Variants in ZNF385D observed in about 807,000 individuals in gnomAD.
ZNF385D encodes zinc finger protein 659.
Under a neutral mutation model 35.8 loss-of-function variants are expected in ZNF385D, and 15 were observed. The observed-to-expected ratio is 0.42, with a 90% CI of 0.28 to 0.64. The LOEUF (loss-of-function observed/expected upper bound fraction) is 0.64. Ranked by LOEUF, ZNF385D falls within the 30% of genes least tolerant of loss-of-function variation. The pLI is 0.23. For synonymous variants in ZNF385D, 212 were observed against 186.8 expected, an observed-to-expected ratio of 1.13 and a Z score of -1.10; for missense variants, 474 against 494.6, an observed-to-expected ratio of 0.96 and a Z score of 0.39.
intron 3 of ZNF385D, among the ~76,000 whole-genome samples, chr3:21,931,026 G>T (rs910638637): frequency 6.6e-6 from 1 of 151,892 alleles, no homozygotes; most frequent in Non-Finnish European, 1.5e-5. Context: ...GAAATGCCAA[G>T]TCATATAAGG....
At chr3:21,761,153 G>C (rs559071338) in intron 3 of ZNF385D, among the ~76,000 whole-genome samples, 2 of 152,278 alleles carry the variant, frequency 1.3e-5, no homozygotes, top group South Asian at 4.1e-4. Flanking sequence ...GTATGTGAAT[G>C]AGCTACCTTG....
intron 2 of ZNF385D, among the ~76,000 whole-genome samples, chr3:22,308,011 A>G (rs1435287149): frequency 1.3e-5 from 2 of 152,080 alleles, no homozygotes; most frequent in Non-Finnish European, 2.9e-5. Flanking sequence ...ATTCCATACT[A>G]TAATTTAGGT....
At chr3:22,024,754 C>T (rs1357052867) in intron 3 of ZNF385D, among the ~76,000 whole-genome samples, 3 of 151,958 alleles carry the variant, frequency 2.0e-5, no homozygotes, top group Admixed American at 6.6e-5. Flanking sequence ...TATTTTTGAC[C>T]ATCTGTGGAG....
Position 21,885,502 on chromosome 3 carries a change from A to G in ZNF385D, c.326-220474T>C, listed in dbSNP as rs139803544. On this transcript the variant is annotated intron_variant, in intron 3 of 5. Transcript: ENST00000494108. Reference sequence around the variant, plus strand: ...TACTGGGAAAAGAGCAAATGGAGATATAACTCCATTTGTCAAATCATGCTT... The same window carrying G: ...TACTGGGAAAAGAGCAAATGGAGATGTAACTCCATTTGTCAAATCATGCTT... 4.6e-3 allele frequency among the ~76,000 whole-genome samples: 706 copies of G among 152,136 alleles called. 9 individuals carry two copies. The highest frequency in any genetic ancestry group is 0.017 in the African/African-American group (686 of 41,534).
intron 2 of ZNF385D, among the ~76,000 whole-genome samples, chr3:22,364,125 T>C (rs1488262339): frequency 6.6e-6 from 1 of 152,160 alleles, no homozygotes; most frequent in Admixed American, 6.6e-5. Context: ...TTTTTTGGAA[T>C]TTGATTTAGT....
chr3:21,441,757 A>G (rs1412667987), intron 4 of ZNF385D: 1 of 985,048 alleles, frequency 1.0e-6, no homozygotes, highest in Admixed American at 6.2e-5. Flanking sequence ...AAAAGATGAG[A>G]AAGTAGGAAA....
intron 3 of ZNF385D, among the ~76,000 whole-genome samples, chr3:21,762,309 C>T (rs1198684782): frequency 6.6e-6 from 1 of 152,182 alleles, no homozygotes; most frequent in African/African-American, 2.4e-5. Flanking sequence ...AATCAAACTT[C>T]TACAATTCAT....
At chr3:21,713,925 C>T (rs1476399817) in intron 1 of ZNF385D, among the ~76,000 whole-genome samples, 1 of 152,188 alleles carries the variant, frequency 6.6e-6, no homozygotes, top group Non-Finnish European at 1.5e-5. Context: ...GACCCAAAGT[C>T]TATGGATCCT....
chr3:21,988,833 T>A (rs200856287), intron 3 of ZNF385D, among the ~76,000 whole-genome samples: 16,574 of 151,838 alleles, frequency 0.11, 1,058 homozygotes, highest in South Asian at 0.25. Flanking sequence ...TCCGTGGGCG[T>A]AGGACCCTCC....
intron 2 of ZNF385D, among the ~76,000 whole-genome samples, chr3:22,251,698 G>A (rs971229644): frequency 1.3e-5 from 2 of 152,130 alleles, no homozygotes; most frequent in Admixed American, 6.6e-5. Context: ...AATGGGGGCA[G>A]GTAAAATCAC....
intron 3 of ZNF385D, among the ~76,000 whole-genome samples, chr3:21,813,433 C>G (rs1488730253): frequency 3.9e-5 from 6 of 152,112 alleles, no homozygotes. Flanking sequence ...GAACCCATCG[C>G]AAAGAAGCGA....
At chr3:22,317,280 CAAAAAAA>C (rs59675675) in intron 2 of ZNF385D, among the ~76,000 whole-genome samples, 41 of 26,106 alleles carry the variant, frequency 1.6e-3, no homozygotes, top group African/African-American at 4.4e-3. Flanking sequence ...ACTCCATCTC[CAAAAAAA>C]AAAAAAAAAA....
At chr3:22,152,311 G>T (rs925706928) in intron 3 of ZNF385D, among the ~76,000 whole-genome samples, 1 of 152,164 alleles carries the variant, frequency 6.6e-6, no homozygotes, top group African/African-American at 2.4e-5. Context: ...GGGAGGGTGA[G>T]TACTTGCTTG....
chr3:22,050,383 C>T (rs201162777), intron 3 of ZNF385D, among the ~76,000 whole-genome samples: 1 of 151,592 alleles, frequency 6.6e-6, no homozygotes, highest in Non-Finnish European at 1.5e-5. Context: ...AACAAACAAA[C>T]AAAAAAACCA....
At chr3:21,722,944 C>T (rs12638125) in intron 1 of ZNF385D, among the ~76,000 whole-genome samples, 25,744 of 152,156 alleles carry the variant, frequency 0.17, 2,644 homozygotes, top group Admixed American at 0.3. Context: ...CAATTAGTTC[C>T]CTGGCTCGGA....
chr3:22,109,852 T>C (rs572722849), intron 3 of ZNF385D, among the ~76,000 whole-genome samples: 1 of 152,138 alleles, frequency 6.6e-6, no homozygotes, highest in South Asian at 2.1e-4. Flanking sequence ...GCGTACAGAA[T>C]GGGAGAAAAA....
intron 2 of ZNF385D, among the ~76,000 whole-genome samples, chr3:22,303,683 C>G (rs146340921): frequency 2.6e-5 from 4 of 151,960 alleles, no homozygotes. Flanking sequence ...GTTGTATATA[C>G]GTTTACGGTA....
At chr3:22,013,707 G>C (rs1696713483) in intron 3 of ZNF385D, among the ~76,000 whole-genome samples, 1 of 152,084 alleles carries the variant, frequency 6.6e-6, no homozygotes, top group South Asian at 2.1e-4. Flanking sequence ...CAAAGTGTGA[G>C]TCCCCTAAGA....
chr3:22,310,365 CATG>C (rs996890549), intron 2 of ZNF385D, among the ~76,000 whole-genome samples: 2 of 151,948 alleles, frequency 1.3e-5, no homozygotes, highest in Non-Finnish European at 2.9e-5. Context: ...GTAACTTTTA[CATG>C]ATAACTCTCA....
Sources: gnomAD v4.1 joint callset for allele counts (sites outside exome capture counted in the v4.1 genomes callset) on GRCh38, gnomAD v4.1.1 for gene constraint, MANE v1.5 for transcripts, NCBI Gene and HGNC (gene_info 2026-07-23, HGNC 2026-07-21) for gene names.